MMP16: variants seen among roughly 807,000 people sequenced by gnomAD.
The protein encoded by MMP16 is matrix metalloproteinase-16.
MMP16 carries 12 observed loss-of-function variants against 67.8 expected under a neutral mutation model. The observed-to-expected ratio is 0.18, with a 90% confidence interval of 0.11 to 0.29. The LOEUF (loss-of-function observed/expected upper bound fraction) is 0.29. Among genes scored for constraint, MMP16 ranks in the 10% least tolerant of loss-of-function variants. The pLI, the probability that MMP16 is intolerant of heterozygous loss-of-function variation, is 1.00. For synonymous variants in MMP16, 249 were observed against 255.9 expected (o/e 0.97, Z 0.26); for missense variants, 475 against 765.7 (o/e 0.62, Z 4.48).
intron 4 of MMP16, among the ~76,000 whole-genome samples, chr8:88,141,765 G>A (rs1188178103): frequency 6.6e-6 from 1 of 151,992 alleles, no homozygotes. Flanking sequence ...ACATATTACT[G>A]GTAGGAGTAT....
chr8:88,060,521 T>C (rs981403150), intron 7 of MMP16, among the ~76,000 whole-genome samples: 1 of 152,110 alleles, frequency 6.6e-6, no homozygotes, highest in Non-Finnish European at 1.5e-5. Flanking sequence ...TCAGTACGGG[T>C]GTCTTATCTC....
In MMP16 at chr8:88,129,563, C is replaced by G. The variant is rs896334540; in HGVS notation, c.710-10702G>C. 2.0e-5 allele frequency among the ~76,000 whole-genome samples: 3 copies of G among 151,384 alleles called. No homozygotes were observed. The South Asian group carries it at 6.2e-4, about 31-fold the overall frequency. On this transcript the variant is annotated intron_variant, in intron 4 of 9. Transcript: ENST00000286614. The stretch of plus-strand genomic sequence containing the variant: ...TAAGTGAAGCTCTTTTCTGGAAGAG[C>G]CTGTTTTGCCAAAAAATATTAAAAA...
intron 6 of MMP16, among the ~76,000 whole-genome samples, chr8:88,079,924 A>G (rs1808717659): frequency 6.6e-6 from 1 of 152,192 alleles, no homozygotes; most frequent in Non-Finnish European, 1.5e-5. Flanking sequence ...AGAAATGTGA[A>G]GAGTAATTTT....
At chr8:88,042,264 TATGAA>T (rs1317033666) in intron 9 of MMP16, among the ~76,000 whole-genome samples, 4 of 152,206 alleles carry the variant, frequency 2.6e-5, no homozygotes, top group Non-Finnish European at 4.4e-5. Context: ...GTCGCTTCTC[TATGAA>T]ACACCTCAAG....
At chr8:88,186,828 T>C (rs1809082974) in intron 2 of MMP16, among the ~76,000 whole-genome samples, 1 of 152,156 alleles carries the variant, frequency 6.6e-6, no homozygotes, top group Non-Finnish European at 1.5e-5. Flanking sequence ...ACTATTCAGA[T>C]CCTTTAGATA....
chr8:88,143,466 C>T (rs1369694849), intron 4 of MMP16, among the ~76,000 whole-genome samples: 1 of 152,020 alleles, frequency 6.6e-6, no homozygotes, highest in African/African-American at 2.4e-5. Flanking sequence ...TGAGCAAATG[C>T]AAAACTTATA....
chr8:88,234,815 A>T (rs1168259854), intron 1 of MMP16, among the ~76,000 whole-genome samples: 1 of 152,232 alleles, frequency 6.6e-6, no homozygotes, highest in Non-Finnish European at 1.5e-5. Context: ...ACTGCCCTTT[A>T]TTCCACTTAT....
rs758515051 is a variant in MMP16 at position 88,186,557 on chromosome 8, C to T, written c.323G>A (p.Arg108Lys). The change falls in exon 3 of 10, where the codon AGA becomes AAA. Residue 108 changes from arginine (R) to lysine (K), a missense_variant. Physicochemically the swap from Arg to Lys is conservative, Grantham distance 26. This residue lies in a region of MMP16 where 170 missense variants were observed against 239.6 expected (regional missense o/e 0.71). Transcript: ENST00000286614. ...KPRCGVPDQT[R>K]GSSKFHIRRK... ...ACGAATATGAAATTTGGAGCTACCT[C>T]TTGTCTGGTCAGGTACACCGCATCG... The T allele has an allele frequency of 6.4e-7, 1 of 1,568,506 alleles. No individual in the cohort carries two copies. Among genetic ancestry groups the T allele is most frequent in the Non-Finnish European group, 8.6e-7 (1 of 1,157,970 alleles).
chr8:88,311,539 G>A (rs187485630), intron 1 of MMP16, among the ~76,000 whole-genome samples: 1 of 152,156 alleles, frequency 6.6e-6, no homozygotes, highest in Non-Finnish European at 1.5e-5. Flanking sequence ...CTAAAACAAT[G>A]CCACCTTTCT....
At chr8:88,244,714 G>A (rs751644770) in intron 1 of MMP16, among the ~76,000 whole-genome samples, 16 of 152,158 alleles carry the variant, frequency 1.1e-4, no homozygotes, top group Non-Finnish European at 1.8e-4. Context: ...AACACAAGCA[G>A]TGTGGCTCAG....
chr8:88,206,122 T>C (rs1435540226), intron 1 of MMP16, among the ~76,000 whole-genome samples: 1 of 152,042 alleles, frequency 6.6e-6, no homozygotes, highest in East Asian at 1.9e-4. Context: ...GTAAGTTGCC[T>C]TTTTTTAAAT....
chr8:88,312,723 C>G (rs1251985389), intron 1 of MMP16, among the ~76,000 whole-genome samples: 2 of 152,112 alleles, frequency 1.3e-5, no homozygotes, highest in Non-Finnish European at 2.9e-5. Context: ...AATCCCAACA[C>G]TTTGGGAGGC....
intron 3 of MMP16, among the ~76,000 whole-genome samples, chr8:88,170,838 C>G (rs559421096): frequency 1.6e-4 from 25 of 152,056 alleles, no homozygotes; most frequent in African/African-American, 5.8e-4. Flanking sequence ...ATCACTGTGT[C>G]TGATGGAAAA....
chr8:88,268,827 CT>C (rs35661528), intron 1 of MMP16, among the ~76,000 whole-genome samples: 119,082 of 151,506 alleles, frequency 0.79, 47,325 homozygotes, highest in East Asian at 0.99. Flanking sequence ...TGTTATTGTT[CT>C]TTTTTTTTTA....
At chr8:88,312,894 G>A (rs147640669) in intron 1 of MMP16, among the ~76,000 whole-genome samples, 2,023 of 152,206 alleles carry the variant, frequency 0.013, 28 homozygotes, top group Middle Eastern at 0.041. Context: ...CTTGAACCCA[G>A]AAGGCAGAGG....
chr8:88,317,161 T>C (rs949922590), intron 1 of MMP16, among the ~76,000 whole-genome samples: 2 of 152,206 alleles, frequency 1.3e-5, no homozygotes, highest in African/African-American at 2.4e-5. Flanking sequence ...GCAGGGTTTG[T>C]CAGGATTGAC....
At chr8:88,270,575 G>C (rs1179678497) in intron 1 of MMP16, among the ~76,000 whole-genome samples, 2 of 152,136 alleles carry the variant, frequency 1.3e-5, no homozygotes, top group African/African-American at 4.8e-5. Context: ...CAGAGAATCA[G>C]AGAATTTCCC....
At chr8:88,243,980 G>C (rs1810071885) in intron 1 of MMP16, among the ~76,000 whole-genome samples, 1 of 151,828 alleles carries the variant, frequency 6.6e-6, no homozygotes, top group South Asian at 2.1e-4. Flanking sequence ...TTTTAATACA[G>C]GTAAATCAGT....
At chr8:88,300,363 C>T (rs1190340249) in intron 1 of MMP16, among the ~76,000 whole-genome samples, 1 of 152,076 alleles carries the variant, frequency 6.6e-6, no homozygotes, top group Non-Finnish European at 1.5e-5. Flanking sequence ...CTAGAATAAC[C>T]AATTCATACA....
Sources: allele counts gnomAD v4.1 joint callset (sites outside exome capture counted in the v4.1 genomes callset), GRCh38; gene constraint gnomAD v4.1.1; regional missense constraint gnomAD v4.1.1; transcripts MANE v1.5; gene names NCBI Gene and HGNC (gene_info 2026-07-23, HGNC 2026-07-21).